The following KANSL1 variants were observed in gnomAD, a reference collection of about 807,000 sequenced individuals.
The protein encoded by KANSL1 is KAT8 regulatory NSL complex subunit 1, also known as MLL1/MLL complex subunit KANSL1.
In KANSL1, 22 loss-of-function variants were observed where a neutral mutation model predicts 103.6. The observed-to-expected ratio is 0.21, with a 90% CI of 0.15 to 0.30. The LOEUF (loss-of-function observed/expected upper bound fraction) is 0.30, where lower values mean the gene tolerates loss of function less well. Ranked by LOEUF, KANSL1 falls within the 10% of genes least tolerant of loss-of-function variation. The pLI is 1.00. For missense variants in KANSL1, 1,337 were observed against 1,399.8 expected (o/e 0.96, Z 0.72); for synonymous variants, 600 against 527.6 (o/e 1.14, Z -1.88).
chr17:46,038,263 C>G, intron 10 of KANSL1: 1 of 432,734 alleles, frequency 2.3e-6, no homozygotes, highest in Non-Finnish European at 4.1e-6. Context: ...AGTCACAGAT[C>G]ACCTTAAGAG....
At chr17:46,126,443 A>C (rs1343135866) in intron 2 of KANSL1, among the ~76,000 whole-genome samples, 3 of 152,188 alleles carry the variant, frequency 2.0e-5, no homozygotes, top group African/African-American at 7.2e-5. Context: ...TACGTCTCAA[A>C]AAAAAAGTAA....
Position 46,067,596 on chromosome 17 carries a change from A to G in KANSL1, c.1605T>C (p.Ser535=), listed in dbSNP as rs200561483. 1 of 1,609,436 alleles carries G rather than the reference A, an allele frequency of 6.2e-7. No individual in the cohort carries two copies. Among genetic ancestry groups the G allele is most frequent in the Non-Finnish European group, 8.5e-7 (1 of 1,175,746 alleles). The change falls in exon 5 of 15, where the codon TCT becomes TCC. Residue 535 remains serine, a synonymous_variant. Coordinates refer to ENST00000432791, the MANE Select transcript of KANSL1 (RefSeq NM_015443.4). ...GTCTGAGTGCTCCACATGATTTGGT[A>G]GACAGTGACTCTGAAATATGACCAA... ...PIIGHISESL[S]TKSCGALRPV... is the part of the protein sequence containing the mutation.
intron 2 of KANSL1, among the ~76,000 whole-genome samples, chr17:46,152,383 A>C (rs1346707764): frequency 6.6e-6 from 1 of 152,238 alleles, no homozygotes; most frequent in African/African-American, 2.4e-5. Context: ...TAAAAACCTA[A>C]AACTATCAAG....
At chr17:46,202,778 A>G (rs1341543869) in intron 1 of KANSL1, among the ~76,000 whole-genome samples, 3 of 152,280 alleles carry the variant, frequency 2.0e-5, no homozygotes, top group African/African-American at 7.2e-5. Context: ...CAAAAATTAT[A>G]GAATATAATA....
chr17:46,152,506 CCTCATTTAGCCTCAA>C (rs878963446), intron 2 of KANSL1, among the ~76,000 whole-genome samples: 7 of 151,086 alleles, frequency 4.6e-5, no homozygotes, highest in Admixed American at 4.6e-4. Flanking sequence ...CAATTAATGT[CCTCATTTAGCCTCAA>C]CTGTTACACA....
chr17:46,175,837 A>C (rs2532261), intron 1 of KANSL1, among the ~76,000 whole-genome samples: 21,957 of 152,230 alleles, frequency 0.14, 2,138 homozygotes, highest in Middle Eastern at 0.22. Flanking sequence ...AATACTAATT[A>C]CTAATATATT....
intron 2 of KANSL1, among the ~76,000 whole-genome samples, chr17:46,116,524 C>T (rs2043055314): frequency 6.6e-6 from 1 of 151,180 alleles, no homozygotes; most frequent in Non-Finnish European, 1.5e-5. Flanking sequence ...AGCGCGACTC[C>T]GTCTCAAAAA....
chr17:46,126,452 A>C (rs374651722), intron 2 of KANSL1, among the ~76,000 whole-genome samples: 1 of 151,882 alleles, frequency 6.6e-6, no homozygotes, highest in African/African-American at 2.4e-5. Context: ...AAAAAAAAGT[A>C]AAAGTCTCCA....
At chr17:46,187,742 G>A (rs1422596867) in intron 1 of KANSL1, among the ~76,000 whole-genome samples, 1 of 152,226 alleles carries the variant, frequency 6.6e-6, no homozygotes, top group Admixed American at 6.5e-5. Flanking sequence ...ACTAAATGGG[G>A]AAGGTCTACT....
rs777914291 is a variant in KANSL1 at position 46,171,312 on chromosome 17, A to C, written c.832T>G (p.Leu278Val). ...SPLSSILFSA[L>V]DSDTRITALL... ...GCTGTTATCCTTGTGTCAGAATCTAAAGCACTGAAAAGAATGGAAGACAGG... is the reference window on the plus strand; with the variant it reads ...GCTGTTATCCTTGTGTCAGAATCTACAGCACTGAAAAGAATGGAAGACAGG... Residue 278 changes from leucine (L) to valine (V), a missense_variant, in exon 2 of 15, where the codon TTA becomes GTA. Physicochemically the swap from Leu to Val is conservative, Grantham distance 32. Coordinates refer to ENST00000432791, the MANE Select transcript of KANSL1 (RefSeq NM_015443.4). 3.7e-6 allele frequency: 6 copies of C among 1,614,122 alleles called. No homozygotes were observed. Among genetic ancestry groups the C allele is most frequent in the Middle Eastern group, 1.6e-4 (1 of 6,062 alleles).
chr17:46,103,555 T>TTA (rs760355159), intron 2 of KANSL1, among the ~76,000 whole-genome samples: 25 of 152,106 alleles, frequency 1.6e-4, no homozygotes, highest in Non-Finnish European at 3.4e-4. Flanking sequence ...CAGAGTCAAA[T>TTA]AAGATCCACA....
intron 2 of KANSL1, among the ~76,000 whole-genome samples, chr17:46,167,343 T>C (rs2046056878): frequency 6.6e-6 from 1 of 152,198 alleles, no homozygotes; most frequent in Non-Finnish European, 1.5e-5. Context: ...ACTCAGCAAG[T>C]ACATTACATA....
intron 2 of KANSL1, among the ~76,000 whole-genome samples, chr17:46,163,246 A>G (rs1031114869): frequency 3.9e-5 from 6 of 152,252 alleles, no homozygotes; most frequent in Non-Finnish European, 7.3e-5. Context: ...CAGGCATTCA[A>G]TGTAGAGTTA....
intron 3 of KANSL1, among the ~76,000 whole-genome samples, chr17:46,083,111 A>G (rs751039512): frequency 3.3e-5 from 5 of 152,170 alleles, no homozygotes; most frequent in Non-Finnish European, 5.9e-5. Flanking sequence ...CTGCTTGACA[A>G]TTTCAAATTC....
intron 2 of KANSL1, among the ~76,000 whole-genome samples, chr17:46,150,340 C>T (rs2045022774): frequency 6.6e-6 from 1 of 152,108 alleles, no homozygotes; most frequent in Admixed American, 6.6e-5. Flanking sequence ...TCTAAGAAGT[C>T]TCCTTCCCTT....
chr17:46,169,636 TC>T (rs2046179562), intron 2 of KANSL1: 1 of 152,284 alleles, frequency 6.6e-6, no homozygotes, highest in South Asian at 2.1e-4. Flanking sequence ...GATCTGCTAG[TC>T]AATTATCCTG....
intron 7 of KANSL1, among the ~76,000 whole-genome samples, chr17:46,048,955 A>G (rs1313343678): frequency 6.6e-6 from 1 of 152,182 alleles, no homozygotes; most frequent in African/African-American, 2.4e-5. Context: ...AAGACAGACA[A>G]GGAATAGGAC....
At chr17:46,168,853 T>C (rs1597864652) in intron 2 of KANSL1, among the ~76,000 whole-genome samples, 1 of 152,332 alleles carries the variant, frequency 6.6e-6, no homozygotes, top group East Asian at 1.9e-4. Context: ...CCATAAACCA[T>C]TATGTGAGAA....
intron 2 of KANSL1, among the ~76,000 whole-genome samples, chr17:46,154,521 A>AT (rs1299894911): frequency 5.9e-5 from 9 of 152,260 alleles, no homozygotes; most frequent in African/African-American, 1.9e-4. Context: ...AGCTCAAGTG[A>AT]TCCCCCTGCC....
Sources: allele counts gnomAD v4.1 joint callset (sites outside exome capture counted in the v4.1 genomes callset), GRCh38; gene constraint gnomAD v4.1.1; transcripts MANE v1.5; gene names NCBI Gene and HGNC (gene_info 2026-07-23, HGNC 2026-07-21).